The following ANKMY1 variants were observed in gnomAD, a reference collection of about 807,000 sequenced individuals.
ANKMY1 encodes ankyrin repeat and MYND domain-containing protein 1.
A neutral mutation model predicts 102.0 loss-of-function variants in ANKMY1; 98 were observed. That is an observed-to-expected ratio of 0.96 (90% CI 0.82 to 1.14). The LOEUF (loss-of-function observed/expected upper bound fraction) is 1.14, where lower values mean the gene tolerates loss of function less well. ANKMY1 is among the 50% of genes most tolerant of loss of function. The probability of loss-of-function intolerance (pLI) is 0.00; values close to 1 mark genes in which losing one functional copy is unlikely to be tolerated. For missense variants in ANKMY1, 1,330 were observed against 1,347.6 expected (o/e 0.99, Z 0.20); for synonymous variants, 582 against 559.9 (o/e 1.04, Z -0.56).
intron 9 of ANKMY1, among the ~76,000 whole-genome samples, chr2:240,515,865 C>T (rs1039719990): frequency 6.6e-6 from 1 of 151,056 alleles, no homozygotes; most frequent in African/African-American, 2.4e-5. Context: ...CTACAGGCAC[C>T]CGCCACCATG....
chr2:240,526,889 C>G (rs1477792495), intron 5 of ANKMY1: 18 of 1,140,664 alleles, frequency 1.6e-5, no homozygotes, highest in Non-Finnish European at 2.0e-5. Flanking sequence ...TATCTCATGG[C>G]TTACTCATCA....
chr2:240,557,207 G>A lies in ANKMY1; in HGVS notation c.129C>T (p.Tyr43=), dbSNP rs767984688. The part of the protein sequence containing the change: ...AAEEPGSLKN[Y]AVFATRDVSA... ...CCCCGCACCTTGTGGCGAAGACAGC[G>A]TAGTTCTTCAGGGACCCCGGCTCCT... is the stretch of plus-strand genomic sequence containing the variant. Residue 43 remains tyrosine (Y), a synonymous_variant, in exon 2 of 18, where the codon TAC becomes TAT. Coordinates refer to ENST00000401804, the MANE Select transcript of ANKMY1 (RefSeq NM_001282771.3). 9 of 1,566,462 alleles carry A rather than the reference G, an allele frequency of 5.7e-6. No individual in the cohort carries two copies. The highest frequency in any genetic ancestry group is 1.2e-5 in the South Asian group (1 of 85,950).
At chr2:240,512,132 C>A (rs932541173) in intron 10 of ANKMY1, 131 bp from the exon 11 acceptor site, 3 of 1,160,572 alleles carry the variant, frequency 2.6e-6, no homozygotes, top group Non-Finnish European at 3.4e-6. Context: ...CTCTTGAAGG[C>A]GGATGCCTGA....
intron 5 of ANKMY1, 71 bp downstream of exon 5, chr2:240,528,966 C>T: frequency 6.9e-7 from 1 of 1,444,632 alleles, no homozygotes; most frequent in Non-Finnish European, 9.6e-7. Flanking sequence ...TGGCCGGGGA[C>T]CTCAGGAACC....
At chr2:240,518,751 G>A (rs1238267872) in intron 9 of ANKMY1, among the ~76,000 whole-genome samples, 1 of 152,208 alleles carries the variant, frequency 6.6e-6, no homozygotes, top group Non-Finnish European at 1.5e-5. Flanking sequence ...CCAGTTTAAA[G>A]GTTGTGACCT....
At chr2:240,527,086 G>T in intron 5 of ANKMY1, 1 of 839,698 alleles carries the variant, frequency 1.2e-6, no homozygotes, top group Non-Finnish European at 1.4e-6. Context: ...ATGAATGGAT[G>T]GGTGGGTGGA....
At chr2:240,472,316 G>GC in the ANKMY1 span, among the ~76,000 whole-genome samples, 1 of 151,936 alleles carries the variant, frequency 6.6e-6, no homozygotes, top group African/African-American at 2.4e-5. Context: ...GGCTGAAGGA[G>GC]CCCTGTGACC....
intron 4 of ANKMY1, among the ~76,000 whole-genome samples, chr2:240,533,230 T>C (rs1036736917): frequency 2.0e-5 from 3 of 152,146 alleles, no homozygotes; most frequent in African/African-American, 7.2e-5. Context: ...AAAACAAGAT[T>C]TTTTTTAAAA....
At chr2:240,474,441 G>A (rs1269323950), downstream of ANKMY1, among the ~76,000 whole-genome samples, 2 of 151,980 alleles carry the variant, frequency 1.3e-5, no homozygotes, top group Non-Finnish European at 2.9e-5. Flanking sequence ...TTTAGGTTCA[G>A]GGGTACATGT....
chr2:240,536,942 T>C (rs2086921307), intron 4 of ANKMY1, among the ~76,000 whole-genome samples: 1 of 152,166 alleles, frequency 6.6e-6, no homozygotes, highest in Non-Finnish European at 1.5e-5. Flanking sequence ...CCAGGCTAGT[T>C]TCAAACTCCT....
chr2:240,520,379 T>C lies in ANKMY1; in HGVS notation c.1987A>G (p.Ile663Val), dbSNP rs1434143253. ...GCTCCTACCTGCGGCGGAAAGCAGA[T>C]GTCGGTCCTCGCCCCGTGCTCCAGC... ...LLLEHGARTDICFPPQLSTLT... is the reference protein window; with the variant it reads ...LLLEHGARTDVCFPPQLSTLT... Residue 663 changes from isoleucine (I) to valine (V), a missense_variant, in exon 9 of 18, where the codon ATC (isoleucine) becomes GTC (valine). Coordinates refer to ENST00000401804, the MANE Select transcript of ANKMY1 (RefSeq NM_001282771.3). This position sits in a 1 kb window ranked among gnomAD's most constrained non-coding sequence, Gnocchi z 4.8. 6.4e-7 allele frequency: 1 copy of C among 1,567,160 alleles called. No homozygotes were observed. The highest frequency in any genetic ancestry group is 8.7e-7 in the Non-Finnish European group (1 of 1,155,786).
chr2:240,526,026 C>T, intron 6 of ANKMY1, 177 bp from the exon 7 acceptor site: 1 of 985,996 alleles, frequency 1.0e-6, no homozygotes, highest in Non-Finnish European at 1.5e-6. Context: ...AGGCACTCTG[C>T]CCCAAACCCT....
chr2:240,472,416 G>T, the ANKMY1 span, among the ~76,000 whole-genome samples: 75 of 152,208 alleles, frequency 4.9e-4, 1 homozygote, highest in South Asian at 5.0e-3. Flanking sequence ...GCCCCCAAAG[G>T]CAGGCCTACA....
intron 17 of ANKMY1, 74 bp downstream of exon 17, chr2:240,480,863 C>G: frequency 1.3e-6 from 2 of 1,516,978 alleles, no homozygotes; most frequent in Non-Finnish European, 1.8e-6. Flanking sequence ...GTGCCCCTCA[C>G]CAGCACCCCA....
At chr2:240,496,972 C>A (rs568121217) in intron 15 of ANKMY1, among the ~76,000 whole-genome samples, 10 of 152,222 alleles carry the variant, frequency 6.6e-5, no homozygotes, top group Non-Finnish European at 1.5e-4. Flanking sequence ...TAATTGCTGG[C>A]AGATTATAGT....
At position 240,499,855 on chromosome 2, in the gene ANKMY1, C is replaced by G; in HGVS notation, c.2806+103G>C. 2 of 1,411,818 alleles carry G rather than the reference C, an allele frequency of 1.4e-6. No individual in the cohort carries two copies. Among genetic ancestry groups the G allele is most frequent in the South Asian group, 1.5e-5 (1 of 66,064 alleles). The allele number at this position is 1,411,818 out of a possible 1,614,324, so 87.5% of individuals were successfully genotyped here. On this transcript the variant is annotated intron_variant, in intron 15 of 17. Coordinates refer to ENST00000401804, the MANE Select transcript of ANKMY1 (RefSeq NM_001282771.3). The surrounding 1 kb of genome is among the most constrained non-coding windows in gnomAD (Gnocchi z 4.2). Reference sequence around the variant, plus strand: ...GACGAGCCCAGCCCCAGGAAGGCCCCTCCAAGAGCCCCAGGGGGTCCAGAT... The same window carrying G: ...GACGAGCCCAGCCCCAGGAAGGCCCGTCCAAGAGCCCCAGGGGGTCCAGAT...
At chr2:240,517,258 T>C (rs1402321631) in intron 9 of ANKMY1, among the ~76,000 whole-genome samples, 2 of 152,194 alleles carry the variant, frequency 1.3e-5, no homozygotes, top group East Asian at 3.8e-4. Flanking sequence ...GAGAACCTCT[T>C]AGAATAACTG....
chr2:240,478,264 G>A (rs556670850), downstream of ANKMY1, among the ~76,000 whole-genome samples: 24 of 152,324 alleles, frequency 1.6e-4, 1 homozygote, highest in African/African-American at 4.6e-4. Flanking sequence ...TCTCTGATAT[G>A]TACGTGTAGC....
chr2:240,512,358 A>T (rs2080375823), intron 10 of ANKMY1, among the ~76,000 whole-genome samples: 1 of 152,222 alleles, frequency 6.6e-6, no homozygotes, highest in Non-Finnish European at 1.5e-5. Flanking sequence ...CCCCTTGTGG[A>T]GGAAGGAAGA....
Sources: gnomAD v4.1 joint callset for allele counts (sites outside exome capture counted in the v4.1 genomes callset) on GRCh38, gnomAD v4.1.1 for gene constraint, Gnocchi (gnomAD v3.1) non-coding constraint, MANE v1.5 for transcripts, NCBI Gene and HGNC (gene_info 2026-07-23, HGNC 2026-07-21) for gene names.